Variants in DDX17 observed in about 807,000 individuals in gnomAD.
DDX17 encodes the protein probable ATP-dependent RNA helicase DDX17.
DDX17 carries 10 observed loss-of-function variants against 80.8 expected under a neutral mutation model. That is an observed-to-expected ratio of 0.12 (90% CI 0.08 to 0.21). DDX17 has a LOEUF of 0.21. Ranked by LOEUF, DDX17 falls within the 10% of genes least tolerant of loss-of-function variation. The pLI, the probability that DDX17 is intolerant of heterozygous loss-of-function variation, is 1.00. For synonymous variants in DDX17, 339 were observed against 336.2 expected (o/e 1.01, Z -0.09); for missense variants, 586 against 957.4 (o/e 0.61, Z 5.12).
At chr22:38,501,022 C>T in intron 2 of DDX17, 108 bp downstream of exon 2, 1 of 1,352,334 alleles carries the variant, frequency 7.4e-7, no homozygotes, top group Non-Finnish European at 9.8e-7. Flanking sequence ...AAAATATCAC[C>T]ACACTAGAAT....
Position 38,500,265 on chromosome 22 carries a change from A to G in DDX17, c.439-766T>C, listed in dbSNP as rs909015938. 2.5e-4 allele frequency among the ~76,000 whole-genome samples: 38 copies of G among 152,276 alleles called. 1 individual carries two copies. Among genetic ancestry groups the G allele is most frequent in the African/African-American group, 9.1e-4 (38 of 41,556 alleles). ...TATTTCAATCATGTATAATAAACAG[A>G]TTAGTAAGCATTATCAACAAGAGAA... On this transcript the variant is annotated intron_variant, in intron 2 of 12. Transcript: ENST00000403230.
chr22:38,491,833 AAG>A, intron 11 of DDX17: 2 of 447,472 alleles, frequency 4.5e-6, no homozygotes, highest in Non-Finnish European at 7.8e-6. Context: ...TAGGAGCAGG[AAG>A]AGACTTTGAA....
chr22:38,495,161 G>T (rs2089748266), intron 6 of DDX17, 115 bp from the exon 7 acceptor site: 4 of 1,017,496 alleles, frequency 3.9e-6, no homozygotes, highest in Admixed American at 2.7e-5. Context: ...TTCACAACCA[G>T]CCTGGTCAAC....
In DDX17 at chr22:38,483,525, AC is replaced by A. The variant is rs1257768266; in HGVS notation, c.*2409del. On this transcript the variant is annotated 3_prime_UTR_variant, in exon 13 of 13. Transcript: ENST00000403230. ...GACAATTTACAAACTAAGAATAGTA[AC>A]ATAGCTTTCAGCATCCTGTGCCTGA... 6.5e-6 allele frequency: 1 copy of A among 152,690 alleles called. No individual in the cohort carries two copies. Among genetic ancestry groups the A allele is most frequent in the Non-Finnish European group, 1.5e-5 (1 of 68,054 alleles). 9.5% of individuals were successfully genotyped at this position (152,690 alleles called of 1,614,324 possible). A position where few individuals can be genotyped will look rare whatever the true frequency, so the allele number is the denominator to read the frequency against.
At position 38,483,628 on chromosome 22, in the gene DDX17, G is replaced by A. The variant is rs1185871996; in HGVS notation, c.*2307C>T. On this transcript the variant is annotated 3_prime_UTR_variant, in exon 13 of 13. Coordinates refer to ENST00000403230, the MANE Select transcript of DDX17 (RefSeq NM_006386.5). ...GGAGACCAGCAAGAACATCAATAGA[G>A]AGCACTGATCCCAAGCAAAAGCCAC... The A allele has an allele frequency of 6.6e-6, 1 of 152,586 alleles. No individual in the cohort carries two copies. The highest frequency in any genetic ancestry group is 1.5e-5 in the Non-Finnish European group (1 of 68,050). 9.5% of individuals were successfully genotyped at this position (152,586 alleles called of 1,614,324 possible).
rs750251986 is a variant in DDX17 at position 38,486,320 on chromosome 22, T to G, written c.1805A>C (p.Tyr602Ser). The change falls in exon 13 of 13, where the codon TAT (tyrosine) becomes TCT (serine). Residue 602 changes from tyrosine (Y) to serine (S), a missense_variant. Around this residue, in one of 4 missense-constraint regions of DDX17, gnomAD observed 221 missense variants for 261.4 expected, o/e 0.85. Coordinates refer to ENST00000403230, the MANE Select transcript of DDX17 (RefSeq NM_006386.5). ...TCTATCGGTTTCACTACGATCCCGATAGCTTGCAGAGTCTCTCCGGCCACC... is the reference window on the plus strand; with the variant it reads ...TCTATCGGTTTCACTACGATCCCGAGAGCTTGCAGAGTCTCTCCGGCCACC... The G allele has an allele frequency of 6.2e-7, 1 of 1,614,182 alleles. No individual in the cohort carries two copies. The highest frequency in any genetic ancestry group is 8.5e-7 in the Non-Finnish European group (1 of 1,180,030).
rs1298169080 is a variant in DDX17, at chr22:38,484,195, A to G, written c.*1740T>C. The G allele has an allele frequency of 6.8e-6, 1 of 147,702 alleles. No individual in the cohort carries two copies. The highest frequency in any genetic ancestry group is 2.1e-4 in the East Asian group (1 of 4,824). 9.1% of individuals were successfully genotyped at this position (147,702 alleles called of 1,614,324 possible). A position where few individuals can be genotyped will look rare whatever the true frequency, so the allele number is the denominator to read the frequency against. ...GTTTGAAAGCACAGAGCAGTTTGCC[A>G]TGTTTCTTCTGTGCCTACCATTCTC... On this transcript the variant is annotated 3_prime_UTR_variant, in exon 13 of 13. Coordinates refer to ENST00000403230, the MANE Select transcript of DDX17 (RefSeq NM_006386.5).
chr22:38,488,244 A>G, intron 11 of DDX17, 129 bp from the exon 12 acceptor site: 1 of 1,572,158 alleles, frequency 6.4e-7, no homozygotes, highest in Non-Finnish European at 8.6e-7. Context: ...GAAGTTAGTA[A>G]CCACTCTGAA....
chr22:38,505,685 C>G (rs2089873998), intron 1 of DDX17: 2 of 444,154 alleles, frequency 4.5e-6, no homozygotes, highest in Non-Finnish European at 7.9e-6. Flanking sequence ...CCCTCCCGAT[C>G]CCCCGCGGGG....
In DDX17 at chr22:38,506,230, G is replaced by A; in HGVS notation, c.8C>T (p.Thr3Ile). The A allele has an allele frequency of 5.6e-6, 9 of 1,604,280 alleles. No homozygotes were observed. The highest frequency in any genetic ancestry group is 7.7e-6 in the Non-Finnish European group (9 of 1,176,142). Residue 3 changes from threonine (T) to isoleucine (I), a missense_variant, in exon 1 of 13, where the codon ACC becomes ATC. Transcript: ENST00000403230. The stretch of plus-strand genomic sequence containing the variant: ...ACAGAGAATCGGGGCTACAAAGCCG[G>A]TGGGCAGGTTTGGCTACGCTCAAAC...
At chr22:38,487,766 G>T in intron 12 of DDX17, 113 bp downstream of exon 12, 1 of 1,061,822 alleles carries the variant, frequency 9.4e-7, no homozygotes, top group East Asian at 2.4e-5. Context: ...AGTGTCCTTT[G>T]CTATTAAGCA....
At chr22:38,495,658 T>C (rs1263559082) in intron 6 of DDX17, 138 bp downstream of exon 6, 3 of 651,608 alleles carry the variant, frequency 4.6e-6, no homozygotes, top group African/African-American at 3.7e-5. Context: ...AAAATAGCTG[T>C]TTTAGTCACA....
At chr22:38,504,561 G>A (rs1198001771) in intron 1 of DDX17, among the ~76,000 whole-genome samples, 1 of 152,112 alleles carries the variant, frequency 6.6e-6, no homozygotes, top group East Asian at 1.9e-4. Flanking sequence ...TGTCACACGC[G>A]AAGCAAACAT....
At chr22:38,504,998 C>T (rs533113644) in intron 1 of DDX17, among the ~76,000 whole-genome samples, 3 of 152,116 alleles carry the variant, frequency 2.0e-5, no homozygotes, top group Non-Finnish European at 4.4e-5. Context: ...AACCTCCTCC[C>T]CCCGGGTTCA....
chr22:38,490,484 TGTGTA>T, intron 11 of DDX17: 1 of 1,272,862 alleles, frequency 7.9e-7, no homozygotes, highest in Non-Finnish European at 1.0e-6. Flanking sequence ...AGTTTAACAG[TGTGTA>T]GTTCAAACAA....
intron 10 of DDX17, among the ~76,000 whole-genome samples, chr22:38,492,338 C>T (rs116244941): frequency 3.3e-5 from 5 of 152,230 alleles, no homozygotes; most frequent in African/African-American, 1.2e-4. Flanking sequence ...CAATTTGTTA[C>T]ATAATTAATA....
intron 2 of DDX17, among the ~76,000 whole-genome samples, chr22:38,500,020 T>TA (rs1569142347): frequency 4.4e-4 from 65 of 148,764 alleles, no homozygotes; most frequent in African/African-American, 1.6e-3. Context: ...AAAAAATAAA[T>TA]AATAAATGAA....
chr22:38,488,672 ACT>A, intron 11 of DDX17: 1 of 987,906 alleles, frequency 1.0e-6, no homozygotes, highest in African/African-American at 1.7e-5. Context: ...TTAACATTTA[ACT>A]TTTTTTGCTC....
chr22:38,506,037 G>A lies in DDX17; in HGVS notation c.201C>T (p.Ile67=), dbSNP rs1449006664. 2 of 1,588,014 alleles carry A rather than the reference G, an allele frequency of 1.3e-6. No homozygotes were observed. Among genetic ancestry groups the A allele is most frequent in the Non-Finnish European group, 1.7e-6 (2 of 1,167,988 alleles). ...GATAGAGATCTGGGAGCGGGGCACG[G>A]ATGGCCGGGCTCGGGAGGGCCTGCG... The change falls in exon 1 of 13, where the codon ATC becomes ATT. Residue 67 remains isoleucine, a synonymous_variant. Coordinates refer to ENST00000403230, the MANE Select transcript of DDX17 (RefSeq NM_006386.5).
Sources: allele counts gnomAD v4.1 joint callset (sites outside exome capture counted in the v4.1 genomes callset), GRCh38; gene constraint gnomAD v4.1.1; regional missense constraint gnomAD v4.1.1; transcripts MANE v1.5; gene names NCBI Gene and HGNC (gene_info 2026-07-23, HGNC 2026-07-21).